The following C3orf22 variants were observed in gnomAD, a reference collection of about 807,000 sequenced individuals.
The protein encoded by C3orf22 is chromosome 3 open reading frame 22.
Under a neutral mutation model 10.8 loss-of-function variants are expected in C3orf22, and 7 were observed. The ratio of observed to expected loss-of-function variants is 0.65; its 90% CI spans 0.37 to 1.22. The LOEUF (loss-of-function observed/expected upper bound fraction) is 1.22, where lower values mean the gene tolerates loss of function less well. Ranked by LOEUF, C3orf22 falls within the 50% of genes most tolerant of loss-of-function variation. The probability of loss-of-function intolerance (pLI) is 0.02; values close to 1 mark genes in which losing one functional copy is unlikely to be tolerated. For synonymous variants in C3orf22, 79 were observed against 78.9 expected (o/e 1.00, Z 0.00); for missense variants, 173 against 177.0 (o/e 0.98, Z 0.13).
chr3:126,542,501 C>A (rs767904337), intron 4 of C3orf22: 19 of 1,576,054 alleles, frequency 1.2e-5, no homozygotes, highest in Non-Finnish European at 1.5e-5. Flanking sequence ...CTTCTACCAG[C>A]GGCGCCTCTT....
chr3:126,530,761 C>T (rs752855095), intron 4 of C3orf22, among the ~76,000 whole-genome samples: 20 of 152,230 alleles, frequency 1.3e-4, no homozygotes, highest in Non-Finnish European at 2.4e-4. Flanking sequence ...GGGACATGTC[C>T]GGCAGTTCAG....
intron 4 of C3orf22, among the ~76,000 whole-genome samples, chr3:126,539,792 C>A (rs1434373768): frequency 2.6e-5 from 1 of 37,958 alleles, no homozygotes; most frequent in East Asian, 9.2e-4. Context: ...CACCACACAC[C>A]ACAGACACCA....
At chr3:126,527,348 G>T in exon 6 of C3orf22, 1 of 152,418 alleles carries the variant, frequency 6.6e-6, no homozygotes, top group Non-Finnish European at 1.5e-5. Flanking sequence ...GAAAAGGCCA[G>T]GTGCCTCTGC....
intron 4 of C3orf22, among the ~76,000 whole-genome samples, chr3:126,534,353 T>A (rs185837378): frequency 6.6e-5 from 10 of 152,240 alleles, no homozygotes; most frequent in African/African-American, 2.4e-4. Context: ...GGATTTTTAC[T>A]TATAATAGTT....
At chr3:126,537,556 A>G (rs555704309) in intron 4 of C3orf22, among the ~76,000 whole-genome samples, 18 of 152,232 alleles carry the variant, frequency 1.2e-4, no homozygotes, top group African/African-American at 4.1e-4. Context: ...GCAGGTAGGG[A>G]GGCCTTCCTT....
At chr3:126,536,519 T>G (rs1936794046) in intron 4 of C3orf22, among the ~76,000 whole-genome samples, 1 of 152,094 alleles carries the variant, frequency 6.6e-6, no homozygotes, top group South Asian at 2.1e-4. Flanking sequence ...AGGGCAAATC[T>G]TGGGGGTAAG....
At chr3:126,551,882 A>C in intron 3 of C3orf22, 115 bp downstream of exon 3, 1 of 1,181,348 alleles carries the variant, frequency 8.5e-7, no homozygotes, top group Admixed American at 2.6e-5. Flanking sequence ...CCTCAGCTTT[A>C]AAGTGGCGCG....
At chr3:126,539,860 C>CACACACT (rs1560142686) in intron 4 of C3orf22, among the ~76,000 whole-genome samples, 1 of 402 alleles carries the variant, frequency 2.5e-3, no homozygotes, top group Non-Finnish European at 4.7e-3. Context: ...CACACACACA[C>CACACACT]CCCACACCAC....
intron 4 of C3orf22, among the ~76,000 whole-genome samples, chr3:126,540,335 C>T (rs1936931907): frequency 6.6e-6 from 1 of 152,186 alleles, no homozygotes; most frequent in African/African-American, 2.4e-5. Context: ...TGTGATCACC[C>T]TCAAAAGCAG....
chr3:126,553,399 G>T lies in C3orf22; in HGVS notation c.-9C>A. On this transcript the variant is annotated 5_prime_UTR_variant, in exon 2 of 4. Coordinates refer to ENST00000318225, the MANE Select transcript of C3orf22 (RefSeq NM_152533.3). ...CAGGCACTGGAGTCCATCACTGAGT[G>T]GGTTAAGCTGAGGCACACCTCTCAG... is the stretch of plus-strand genomic sequence containing the variant. 1 of 1,613,752 alleles carries T rather than the reference G, an allele frequency of 6.2e-7. No homozygotes were observed. The highest frequency in any genetic ancestry group is 8.5e-7 in the Non-Finnish European group (1 of 1,179,722).
chr3:126,548,698 G>A (rs540816425), downstream of C3orf22, among the ~76,000 whole-genome samples: 21 of 152,130 alleles, frequency 1.4e-4, no homozygotes, highest in South Asian at 4.2e-4. Flanking sequence ...TGGCTGGGGC[G>A]GCACAGTGCA....
intron 4 of C3orf22, among the ~76,000 whole-genome samples, chr3:126,536,772 A>G (rs372144696): frequency 2.7e-4 from 41 of 151,714 alleles, no homozygotes; most frequent in Middle Eastern, 3.4e-3. Context: ...TGGCCCACAC[A>G]CCTAACTTCA....
At chr3:126,531,158 C>T (rs376619464) in intron 4 of C3orf22, among the ~76,000 whole-genome samples, 9 of 152,386 alleles carry the variant, frequency 5.9e-5, no homozygotes, top group Admixed American at 2.0e-4. Flanking sequence ...GACCAGCAGC[C>T]GCAGCCTCAC....
At chr3:126,539,210 G>A (rs1330433083) in intron 4 of C3orf22, among the ~76,000 whole-genome samples, 1 of 152,160 alleles carries the variant, frequency 6.6e-6, no homozygotes, top group African/African-American at 2.4e-5. Context: ...TGCGAAGCCA[G>A]TCCCAGCCTT....
intron 1 of C3orf22, among the ~76,000 whole-genome samples, chr3:126,557,063 C>T (rs1937363953): frequency 1.3e-5 from 2 of 152,012 alleles, no homozygotes; most frequent in African/African-American, 4.8e-5. Flanking sequence ...CAGACTCACA[C>T]ATTCACACAC....
intron 4 of C3orf22, among the ~76,000 whole-genome samples, chr3:126,537,724 G>C (rs1936828278): frequency 6.6e-6 from 1 of 152,006 alleles, no homozygotes; most frequent in South Asian, 2.1e-4. Flanking sequence ...CAACTCCCTG[G>C]AGGCTTAGCA....
At position 126,536,923 on chromosome 3, in the gene C3orf22, A is replaced by ACC. The variant is rs1553813759; in HGVS notation, c.287-7553_287-7552dup. 6.5e-3 allele frequency among the ~76,000 whole-genome samples: 922 copies of ACC among 141,552 alleles called. 14 individuals are homozygous for ACC. Among genetic ancestry groups the ACC allele is most frequent in the African/African-American group, 0.022 (815 of 36,356 alleles). The allele number at this position is 141,552 out of a possible 152,430, so 92.9% of individuals were successfully genotyped here. A position where few individuals can be genotyped will look rare whatever the true frequency, so the allele number is the denominator to read the frequency against. On this transcript the variant is annotated intron_variant and NMD_transcript_variant, in intron 4 of 5. Transcript: ENST00000505070. ...CACACACACACACACACACACACAC[A>ACC]CCCCACACACACAAGTACTTATTCG...
chr3:126,546,420 G>T (rs1316332187), downstream of C3orf22, among the ~76,000 whole-genome samples: 4 of 152,230 alleles, frequency 2.6e-5, no homozygotes, highest in Non-Finnish European at 5.9e-5. Context: ...TTATGTGGAA[G>T]CCCTCACCCA....
At position 126,552,053 on chromosome 3, in the gene C3orf22, C is replaced by T. The variant is rs1267424764; in HGVS notation, c.159G>A (p.Thr53=). The T allele has an allele frequency of 6.2e-6, 10 of 1,613,548 alleles. No homozygotes were observed. The highest frequency in any genetic ancestry group is 1.1e-5 in the South Asian group (1 of 91,006). ...ACCTCTTCTGCAGGGGCAGCTGCAC[C>T]GTGTTCGAGTCGTTTGTGACCTCCC... ...QPWEVTNDSN[T]VQLPLQKRLV... The change falls in exon 3 of 4, where the codon ACG becomes ACA. Residue 53 remains threonine (T), a synonymous_variant. Coordinates refer to ENST00000318225, the MANE Select transcript of C3orf22 (RefSeq NM_152533.3).
Sources: allele counts gnomAD v4.1 joint callset (sites outside exome capture counted in the v4.1 genomes callset), GRCh38; gene constraint gnomAD v4.1.1; transcripts MANE v1.5; gene names NCBI Gene and HGNC (gene_info 2026-07-23, HGNC 2026-07-21).